Variants in CCDC80 observed in about 807,000 individuals in gnomAD.
CCDC80 encodes the protein coiled-coil domain-containing protein 80.
CCDC80 carries 49 observed loss-of-function variants against 78.7 expected under a neutral mutation model. The observed-to-expected ratio is 0.62, with a 90% CI of 0.50 to 0.79. The LOEUF is 0.79. Ranked by LOEUF, CCDC80 falls within the 30% of genes least tolerant of loss-of-function variation. CCDC80 has a pLI of 0.00. For synonymous variants in CCDC80, 488 were observed against 447.0 expected (o/e 1.09, Z -1.16); for missense variants, 1,205 against 1,198.6 (o/e 1.01, Z -0.08).
intron 2 of CCDC80, among the ~76,000 whole-genome samples, chr3:112,630,664 A>T (rs1402005119): frequency 1.3e-5 from 2 of 152,178 alleles, no homozygotes; most frequent in African/African-American, 2.4e-5. Flanking sequence ...TCACTGGCTG[A>T]TTAGATATTG....
At chr3:112,606,398 T>TTTTTG (rs142395604) in intron 7 of CCDC80, among the ~76,000 whole-genome samples, 9,541 of 147,886 alleles carry the variant, frequency 0.065, 379 homozygotes, top group Non-Finnish European at 0.077. Context: ...CAAGAGTCTT[T>TTTTTG]TTTTGTTTTG....
At chr3:112,615,190 A>T (rs901044825) in intron 5 of CCDC80, among the ~76,000 whole-genome samples, 1 of 152,172 alleles carries the variant, frequency 6.6e-6, no homozygotes, top group Non-Finnish European at 1.5e-5. Flanking sequence ...ATATATCATG[A>T]TGTTACATCC....
intron 3 of CCDC80, among the ~76,000 whole-genome samples, chr3:112,624,869 C>T (rs78840606): frequency 0.011 from 1,730 of 152,236 alleles, 30 homozygotes; most frequent in African/African-American, 0.039. Context: ...ACATTTCTAG[C>T]CCTCTCTTCA....
At position 112,604,070 on chromosome 3, in the gene CCDC80, C is replaced by T. The variant is rs1935423637; in HGVS notation, c.*1347G>A. On this transcript the variant is annotated 3_prime_UTR_variant, in exon 8 of 8. Coordinates refer to ENST00000206423, the MANE Select transcript of CCDC80 (RefSeq NM_199511.3). ...CAAAAGTTTAATAGATGAAGACTTGCTTCTTATGAATGAACGAAGAAAGTG... is the reference window on the plus strand; with the variant it reads ...CAAAAGTTTAATAGATGAAGACTTGTTTCTTATGAATGAACGAAGAAAGTG... 1 of 152,194 alleles carries T rather than the reference C, an allele frequency of 6.6e-6. No homozygotes were observed. The highest frequency in any genetic ancestry group is 1.5e-5 in the Non-Finnish European group (1 of 68,040). The allele number at this position is 152,194 out of a possible 1,614,324, so 9.4% of individuals were successfully genotyped here. A position where few individuals can be genotyped will look rare whatever the true frequency, so the allele number is the denominator to read the frequency against.
At chr3:112,630,832 C>T (rs1164692085) in intron 2 of CCDC80, among the ~76,000 whole-genome samples, 1 of 152,172 alleles carries the variant, frequency 6.6e-6, no homozygotes, top group Non-Finnish European at 1.5e-5. Context: ...CGTTTTGTCA[C>T]ATAGAATATA....
rs1163077370 is a variant in CCDC80, at chr3:112,639,426, C to A, written c.480G>T (p.Ser160=). Residue 160 remains serine, a synonymous_variant, in exon 2 of 8, where the codon TCG becomes TCT. Transcript: ENST00000206423. ...RVWVISAPHA[S]EGYYRLMMSL... ...TCATCATGAGGCGGTAGTAGCCTTC[C>A]GAGGCATGAGGGGCTGAGATGACCC... The A allele has an allele frequency of 6.2e-7, 1 of 1,614,030 alleles. No individual in the cohort carries two copies. The highest frequency in any genetic ancestry group is 1.3e-5 in the African/African-American group (1 of 74,914).
chr3:112,627,176 C>T (rs910288035), intron 3 of CCDC80, among the ~76,000 whole-genome samples: 1 of 152,146 alleles, frequency 6.6e-6, no homozygotes, highest in Non-Finnish European at 1.5e-5. Flanking sequence ...TAGCCAGCAA[C>T]TTTTTCCTAT....
At chr3:112,616,559 C>G in intron 5 of CCDC80, 151 bp downstream of exon 5, 1 of 799,282 alleles carries the variant, frequency 1.3e-6, no homozygotes, top group Non-Finnish European at 2.0e-6. Flanking sequence ...CAGGACAAGA[C>G]TAAGCTCAGT....
intron 3 of CCDC80, among the ~76,000 whole-genome samples, chr3:112,620,965 A>G (rs1242855161): frequency 6.6e-6 from 1 of 152,202 alleles, no homozygotes; most frequent in Non-Finnish European, 1.5e-5. Context: ...TCAAGCTCCT[A>G]CTTAGAACCA....
In CCDC80 at chr3:112,639,159, T is replaced by G; in HGVS notation, c.747A>C (p.Pro249=). The change falls in exon 2 of 8, where the codon CCA becomes CCC. Residue 249 remains proline (P), a synonymous_variant. Transcript: ENST00000206423. ...ACATGGCTTCCAGCCTAACGGGATATGGATAGCGCTCCTCCACCTGCAGCG... is the reference window on the plus strand; with the variant it reads ...ACATGGCTTCCAGCCTAACGGGATAGGGATAGCGCTCCTCCACCTGCAGCG... The part of the protein sequence containing the change: ...KKTLQVEERY[P]YPVRLEAMYE... The G allele has an allele frequency of 1.2e-6, 2 of 1,614,134 alleles. No individual in the cohort carries two copies. Among genetic ancestry groups the G allele is most frequent in the Non-Finnish European group, 1.7e-6 (2 of 1,180,022 alleles).
intron 7 of CCDC80, 145 bp downstream of exon 7, chr3:112,607,031 C>CACGTGCACACACAGGT (rs1559874085): frequency 3.4e-6 from 2 of 583,384 alleles, no homozygotes; most frequent in Admixed American, 3.1e-5. Context: ...CACACACAGG[C>CACGTGCACACACAGGT]ACACATGCAC....
intron 5 of CCDC80, among the ~76,000 whole-genome samples, chr3:112,610,535 A>G (rs2107472788): frequency 6.6e-6 from 1 of 152,310 alleles, no homozygotes; most frequent in East Asian, 1.9e-4. Context: ...AGAAAAAGAT[A>G]ACTGTATTTT....
chr3:112,624,286 T>C (rs967147330), intron 3 of CCDC80, among the ~76,000 whole-genome samples: 9 of 152,226 alleles, frequency 5.9e-5, no homozygotes, highest in Admixed American at 5.2e-4. Context: ...AACATATTTG[T>C]AAGGCATTTA....
rs2107467772 is a variant in CCDC80 at position 112,605,241 on chromosome 3, G to A, written c.*176C>T. 2.0e-6 allele frequency: 1 copy of A among 507,718 alleles called. No individual in the cohort carries two copies. Among genetic ancestry groups the A allele is most frequent in the African/African-American group, 1.9e-5 (1 of 51,618 alleles). 31.5% of individuals were successfully genotyped at this position (507,718 alleles called of 1,614,324 possible). ...ATTCTTTTAAATGTCTTTATGATTT[G>A]AGGTTTCAATAATAACTCATGAATA... On this transcript the variant is annotated 3_prime_UTR_variant, in exon 8 of 8. Coordinates refer to ENST00000206423, the MANE Select transcript of CCDC80 (RefSeq NM_199511.3).
intron 1 of CCDC80, 107 bp from the exon 2 acceptor site, chr3:112,640,023 A>AG: frequency 6.9e-7 from 1 of 1,446,538 alleles, no homozygotes; most frequent in Non-Finnish European, 9.1e-7. Context: ...ATCTCAGCCA[A>AG]GGGGAGGGGA....
In CCDC80 at chr3:112,638,803, G is replaced by A. The variant is rs749570113; in HGVS notation, c.1103C>T (p.Ala368Val). 3.1e-6 allele frequency: 5 copies of A among 1,613,698 alleles called. No homozygotes were observed. Among genetic ancestry groups the A allele is most frequent in the Admixed American group, 1.7e-5 (1 of 59,980 alleles). ...ATTVTRSTSR[A>V]VTVAARPMTT... ...CATAGGTCTTGCAGCAACTGTTACC[G>A]CCCGGGACGTGGACCGAGTCACTGT... The change falls in exon 2 of 8, where the codon GCG becomes GTG. Residue 368 changes from alanine to valine, a missense_variant. By Grantham distance (64) the Ala-to-Val change is moderately conservative (BLOSUM62 0). Transcript: ENST00000206423.
Position 112,638,091 on chromosome 3 carries a change from C to G in CCDC80, c.1815G>C (p.Thr605=), listed in dbSNP as rs146058748. The change falls in exon 2 of 8, where the codon ACG becomes ACC. Residue 605 remains threonine, a synonymous_variant. Transcript: ENST00000206423. Reference sequence around the variant, plus strand: ...CGGCCACTGACTTCTTGGGACTCTGCGTGAAGTGTTTGTTGGTGGGTTTCT... The same window carrying G: ...CGGCCACTGACTTCTTGGGACTCTGGGTGAAGTGTTTGTTGGTGGGTTTCT... ...GYQKPTNKHF[T]QSPKKSVADL... 3.7e-6 allele frequency: 6 copies of G among 1,614,042 alleles called. No individual in the cohort carries two copies. In the South Asian group the frequency reaches 6.6e-5, roughly 18 times the overall value.
Position 112,616,757 on chromosome 3 carries a change from A to G in CCDC80, c.2274T>C (p.Ile758=), listed in dbSNP as rs754225368. Reference sequence around the variant, plus strand: ...ACTGCTTTTTGTCCTCTTTGCAAACAATGCCCTCCTTCTTCTGCTTCTCCA... The same window carrying G: ...ACTGCTTTTTGTCCTCTTTGCAAACGATGCCCTCCTTCTTCTGCTTCTCCA... ...KDMEKQKKEG[I]VCKEDKKQSL... Residue 758 remains isoleucine, a synonymous_variant, in exon 5 of 8, where the codon ATT becomes ATC. Coordinates refer to ENST00000206423, the MANE Select transcript of CCDC80 (RefSeq NM_199511.3). 2.5e-6 allele frequency: 4 copies of G among 1,614,200 alleles called. No individual in the cohort carries two copies. The highest frequency in any genetic ancestry group is 3.4e-6 in the Non-Finnish European group (4 of 1,180,018).
chr3:112,628,563 T>C (rs1353580987), intron 3 of CCDC80, among the ~76,000 whole-genome samples: 1 of 152,210 alleles, frequency 6.6e-6, no homozygotes, highest in Non-Finnish European at 1.5e-5. Flanking sequence ...GATTATCTTC[T>C]AAACTAAGAC....
Sources: allele counts gnomAD v4.1 joint callset (sites outside exome capture counted in the v4.1 genomes callset), GRCh38; gene constraint gnomAD v4.1.1; transcripts MANE v1.5; gene names NCBI Gene and HGNC (gene_info 2026-07-23, HGNC 2026-07-21).